Variants in TTBK2 observed in about 807,000 individuals in gnomAD.
The protein encoded by TTBK2 is tau-tubulin kinase 2.
TTBK2 carries 28 observed loss-of-function variants against 110.8 expected under a neutral mutation model. The ratio of observed to expected loss-of-function variants is 0.25; its 90% CI spans 0.19 to 0.35. The LOEUF is 0.35. Among genes scored for constraint, TTBK2 ranks in the 10% least tolerant of loss-of-function variants. The pLI, the probability that TTBK2 is intolerant of heterozygous loss-of-function variation, is 1.00. For missense variants in TTBK2, 1,369 were observed against 1,500.3 expected (o/e 0.91, Z 1.45); for synonymous variants, 532 against 527.3 (o/e 1.01, Z -0.12).
intron 1 of TTBK2, among the ~76,000 whole-genome samples, chr15:42,910,444 T>C (rs1011762019): frequency 6.6e-6 from 1 of 152,208 alleles, no homozygotes; most frequent in Admixed American, 6.5e-5. Context: ...TCTAGCCTAA[T>C]ACCTACCATT....
chr15:42,763,180 ATATATATATATATTTTTTT>A (rs1889161710), intron 13 of TTBK2, among the ~76,000 whole-genome samples: 1 of 18,688 alleles, frequency 5.4e-5, no homozygotes, highest in Non-Finnish European at 9.0e-5. Context: ...ATATATATAT[ATATATATATATATTTTTTT>A]TTTTTTTTTT....
At chr15:42,816,071 AAAATAAAT>A (rs1288207934) in intron 7 of TTBK2, among the ~76,000 whole-genome samples, 13 of 86,036 alleles carry the variant, frequency 1.5e-4, no homozygotes, top group East Asian at 1.1e-3. Context: ...TATATATATA[AAAATAAAT>A]AAATAAATAT....
chr15:42,882,109 A>C (rs1448873332), intron 1 of TTBK2, among the ~76,000 whole-genome samples: 1 of 152,102 alleles, frequency 6.6e-6, no homozygotes, highest in African/African-American at 2.4e-5. Context: ...GTTGAAAAAG[A>C]AGAGGTAACA....
Position 42,746,128 on chromosome 15 carries a change from AGGAGAT to A in TTBK2, c.3396_3401del (p.Ser1133_Pro1134del). On this transcript the variant is annotated inframe_deletion, in exon 15 of 15. Transcript: ENST00000267890. Reference sequence around the variant, plus strand: ...TCTTGGGTGGTGTTTTTGGATTGTGAGGAGATCCTGGACTCTTGCACTGAGTAGTGC... The same window carrying A: ...TCTTGGGTGGTGTTTTTGGATTGTGACCTGGACTCTTGCACTGAGTAGTGC... 6.2e-7 allele frequency: 1 copy of A among 1,614,072 alleles called. No homozygotes were observed. The highest frequency in any genetic ancestry group is 8.5e-7 in the Non-Finnish European group (1 of 1,180,014).
chr15:42,911,979 CACA>C (rs2030782094), intron 1 of TTBK2, among the ~76,000 whole-genome samples: 3 of 152,132 alleles, frequency 2.0e-5, no homozygotes, highest in Non-Finnish European at 4.4e-5. Context: ...CACACACACA[CACA>C]CACAACTACA....
chr15:42,918,544 T>A (rs2031205870), intron 1 of TTBK2, among the ~76,000 whole-genome samples: 1 of 152,196 alleles, frequency 6.6e-6, no homozygotes, highest in Admixed American at 6.5e-5. Context: ...AAGTGAAATT[T>A]AAATTCCATG....
At chr15:42,874,979 G>A (rs1401969011) in intron 2 of TTBK2, among the ~76,000 whole-genome samples, 4 of 85,656 alleles carry the variant, frequency 4.7e-5, no homozygotes, top group African/African-American at 1.4e-4. Context: ...GTGTGAGACT[G>A]CCTCAAAAAA....
chr15:42,870,043 A>T (rs1014570183), intron 3 of TTBK2, among the ~76,000 whole-genome samples: 1 of 151,876 alleles, frequency 6.6e-6, no homozygotes, highest in African/African-American at 2.4e-5. Flanking sequence ...GCATGGTGGC[A>T]CCCACCCGTA....
At position 42,743,316 on chromosome 15, in the gene TTBK2, T is replaced by C. The variant is rs2061761388; in HGVS notation, c.*2479A>G. 1 of 152,126 alleles carries C rather than the reference T, an allele frequency of 6.6e-6. No individual in the cohort carries two copies. The highest frequency in any genetic ancestry group is 2.1e-4 in the South Asian group (1 of 4,824). The allele number at this position is 152,126 out of a possible 1,614,324, so 9.4% of individuals were successfully genotyped here. ...AGGAACCAAGAAAGAGAGAAAACAT[T>C]CAGTTGCCACATTCCCATCACTGTC... On this transcript the variant is annotated 3_prime_UTR_variant, in exon 15 of 15. Transcript: ENST00000267890.
At chr15:42,835,724 T>G (rs1892960399) in intron 4 of TTBK2, among the ~76,000 whole-genome samples, 1 of 152,148 alleles carries the variant, frequency 6.6e-6, no homozygotes, top group Non-Finnish European at 1.5e-5. Context: ...TATTAGGTAT[T>G]GTGGTTACTT....
intron 1 of TTBK2, among the ~76,000 whole-genome samples, chr15:42,882,232 C>T (rs1895078273): frequency 6.6e-6 from 1 of 151,922 alleles, no homozygotes; most frequent in African/African-American, 2.4e-5. Flanking sequence ...CACACACACA[C>T]ACAAAAACAA....
chr15:42,827,954 T>C lies in TTBK2; in HGVS notation c.511A>G (p.Thr171Ala), dbSNP rs1204955693. The C allele has an allele frequency of 1.2e-6, 2 of 1,613,456 alleles. No individual in the cohort carries two copies. The highest frequency in any genetic ancestry group is 2.2e-5 in the East Asian group (1 of 44,762). ...MLDFGLARQF[T>A]NSCGDVRPPR... is the part of the protein sequence containing the mutation. ...GGTCTGACGTCACCACAGGAATTGG[T>C]AAATTGTCGAGCCAAGCCAAAATCA... Residue 171 changes from threonine (T) to alanine (A), a missense_variant, in exon 6 of 15, where the codon ACC (threonine) becomes GCC (alanine). Around this residue, in one of 4 missense-constraint regions of TTBK2, gnomAD observed 138 missense variants for 179.0 expected, o/e 0.77. Transcript: ENST00000267890.
At chr15:42,822,428 GA>G (rs1246395037) in intron 6 of TTBK2, among the ~76,000 whole-genome samples, 4 of 151,802 alleles carry the variant, frequency 2.6e-5, no homozygotes, top group Non-Finnish European at 2.9e-5. Flanking sequence ...ATATTCAAAT[GA>G]AAACAAAAAA....
At position 42,777,193 on chromosome 15, in the gene TTBK2, T is replaced by C. The variant is rs200010694; in HGVS notation, c.1247A>G (p.Asn416Ser). The change falls in exon 12 of 15, where the codon AAT becomes AGT. Residue 416 changes from asparagine (N) to serine (S), a missense_variant. Physicochemically the swap from Asn to Ser is conservative, Grantham distance 46 (BLOSUM62 1). Coordinates refer to ENST00000267890, the MANE Select transcript of TTBK2 (RefSeq NM_173500.4). ...NSHGQANGLL[N>S]APSLGSPIRV... ...AATTGGTGACCCAAGGCTTGGAGCATTGAGAAGACCATTTGCCTGGCCATG... is the reference window on the plus strand; with the variant it reads ...AATTGGTGACCCAAGGCTTGGAGCACTGAGAAGACCATTTGCCTGGCCATG... The C allele has an allele frequency of 1.2e-4, 195 of 1,614,200 alleles. No individual in the cohort carries two copies. The highest frequency in any genetic ancestry group is 4.4e-4 in the African/African-American group (33 of 75,050).
chr15:42,763,161 T>TATATATAC (rs1889137910), intron 13 of TTBK2, among the ~76,000 whole-genome samples: 4 of 10,124 alleles, frequency 4.0e-4, no homozygotes, highest in African/African-American at 1.8e-3. Context: ...TATATACATA[T>TATATATAC]ATATATATAT....
In TTBK2 at chr15:42,742,180, C is replaced by A. The variant is rs192110642; in HGVS notation, c.*3615G>T. 3 of 152,144 alleles carry A rather than the reference C, an allele frequency of 2.0e-5. No homozygotes were observed. Among genetic ancestry groups the A allele is most frequent in the Non-Finnish European group, 4.4e-5 (3 of 68,028 alleles). 9.4% of individuals were successfully genotyped at this position (152,144 alleles called of 1,614,324 possible). On this transcript the variant is annotated 3_prime_UTR_variant, in exon 15 of 15. Coordinates refer to ENST00000267890, the MANE Select transcript of TTBK2 (RefSeq NM_173500.4). ...GTATTTGAAAGCAAATAATATAAAG[C>A]GAGTAATGTCTACAGTGGGTCTCAG...
chr15:42,896,259 C>G (rs909085100), intron 1 of TTBK2, among the ~76,000 whole-genome samples: 1 of 151,858 alleles, frequency 6.6e-6, no homozygotes, highest in East Asian at 1.9e-4. Context: ...ACCCGGGAGG[C>G]AGAGGTTGCA....
At chr15:42,763,157 CATAT>C (rs1567008803) in intron 13 of TTBK2, among the ~76,000 whole-genome samples, 1,312 of 20,460 alleles carry the variant, frequency 0.064, 39 homozygotes, top group Non-Finnish European at 0.069. Context: ...TATATATATA[CATAT>C]ATATATATAT....
At chr15:42,779,403 T>C (rs1890082995) in intron 11 of TTBK2, among the ~76,000 whole-genome samples, 1 of 131,310 alleles carries the variant, frequency 7.6e-6, no homozygotes, top group Admixed American at 8.0e-5. Context: ...AGCAAAACCC[T>C]GTCACAAAAA....
Sources: allele counts gnomAD v4.1 joint callset (sites outside exome capture counted in the v4.1 genomes callset), GRCh38; gene constraint gnomAD v4.1.1; regional missense constraint gnomAD v4.1.1; transcripts MANE v1.5; gene names NCBI Gene and HGNC (gene_info 2026-07-23, HGNC 2026-07-21).